Variants in SCG3 observed in about 807,000 individuals in gnomAD.
SCG3 encodes the protein secretogranin III.
SCG3 carries 38 observed loss-of-function variants against 56.2 expected under a neutral mutation model. The observed-to-expected ratio is 0.68, with a 90% CI of 0.52 to 0.89. The LOEUF (loss-of-function observed/expected upper bound fraction) is 0.89. Among genes scored for constraint, SCG3 ranks in the 40% least tolerant of loss-of-function variants. The probability of loss-of-function intolerance (pLI) is 0.00; values close to 1 mark genes in which losing one functional copy is unlikely to be tolerated. For synonymous variants in SCG3, 176 were observed against 184.2 expected (o/e 0.96, Z 0.36); for missense variants, 524 against 540.7 (o/e 0.97, Z 0.31).
At chr15:51,683,512 A>C in intron 4 of SCG3, 78 bp downstream of exon 4, 4 of 906,956 alleles carry the variant, frequency 4.4e-6, no homozygotes, top group Non-Finnish European at 6.7e-6. Context: ...TATTTTAAAA[A>C]TATCTTTTAA....
intron 11 of SCG3, among the ~76,000 whole-genome samples, chr15:51,716,615 G>C (rs1369420559): frequency 2.6e-5 from 4 of 152,120 alleles, no homozygotes; most frequent in African/African-American, 9.7e-5. Context: ...TGTGGAAAAA[G>C]CAACAATGTG....
chr15:51,688,358 G>A lies in SCG3; in HGVS notation c.496G>A (p.Ala166Thr). Residue 166 changes from alanine (A) to threonine (T), a missense_variant, in exon 5 of 12, where the codon GCC becomes ACC. Coordinates refer to ENST00000220478, the MANE Select transcript of SCG3 (RefSeq NM_013243.4). ...CAGGATTTATGAAGAAAATGACAGA[G>A]CCGTGTTTGACAAGATTGTTTCTAA... is the stretch of plus-strand genomic sequence containing the variant. The part of the protein sequence containing the change: ...AARIYEENDR[A>T]VFDKIVSKLL... 6.2e-7 allele frequency: 1 copy of A among 1,613,806 alleles called. No individual in the cohort carries two copies. Among genetic ancestry groups the A allele is most frequent in the Non-Finnish European group, 8.5e-7 (1 of 1,179,824 alleles).
intron 10 of SCG3, among the ~76,000 whole-genome samples, chr15:51,704,376 T>C (rs2055360291): frequency 6.7e-6 from 1 of 150,094 alleles, no homozygotes; most frequent in South Asian, 2.1e-4. Context: ...CCTAAGTACA[T>C]TCACATTGTT....
At chr15:51,686,606 A>G (rs975504449) in intron 4 of SCG3, among the ~76,000 whole-genome samples, 6 of 152,210 alleles carry the variant, frequency 3.9e-5, no homozygotes, top group African/African-American at 9.6e-5. Context: ...AATCAGACAC[A>G]TAATAGTGAG....
chr15:51,687,437 G>A (rs936331352), intron 4 of SCG3, among the ~76,000 whole-genome samples: 1 of 152,176 alleles, frequency 6.6e-6, no homozygotes, highest in African/African-American at 2.4e-5. Context: ...CCATGGATGT[G>A]CTACAATGCT....
rs1290738564 is a variant in SCG3 at position 51,701,614 on chromosome 15, T to C, written c.1207+370T>C. The stretch of plus-strand genomic sequence containing the variant: ...CTCTAAATAATCACATACTGCTTAT[T>C]CAACAAGATCATCAAAATTTATTAT... On this transcript the variant is annotated intron_variant, in intron 10 of 11. Coordinates refer to ENST00000220478, the MANE Select transcript of SCG3 (RefSeq NM_013243.4). Among the ~76,000 whole-genome samples the C allele has an allele frequency of 3.9e-5, 6 of 152,240 alleles. 1 individual carries two copies. The highest frequency in any genetic ancestry group is 3.9e-4 in the Admixed American group (6 of 15,282).
intron 10 of SCG3, among the ~76,000 whole-genome samples, chr15:51,703,664 T>G (rs1268551981): frequency 1.3e-5 from 2 of 152,198 alleles, no homozygotes; most frequent in African/African-American, 4.8e-5. Flanking sequence ...AGAAAAGACT[T>G]GTAGAATTAG....
intron 4 of SCG3, among the ~76,000 whole-genome samples, chr15:51,685,942 T>TA (rs1364751076): frequency 6.6e-6 from 1 of 152,210 alleles, no homozygotes; most frequent in African/African-American, 2.4e-5. Flanking sequence ...GGAGCATGCC[T>TA]AACCTTTACA....
chr15:51,719,264 C>T, intron 11 of SCG3, 144 bp from the exon 12 acceptor site: 1 of 636,226 alleles, frequency 1.6e-6, no homozygotes. Flanking sequence ...ACACAAATGC[C>T]AAGAATTAAA....
chr15:51,684,789 A>G (rs1232641879), intron 4 of SCG3, among the ~76,000 whole-genome samples: 1 of 152,244 alleles, frequency 6.6e-6, no homozygotes, highest in Non-Finnish European at 1.5e-5. Flanking sequence ...AACTAAACTG[A>G]AAACTTCATA....
chr15:51,688,188 TTATAAG>T, intron 4 of SCG3, 66 bp from the exon 5 acceptor site: 1 of 1,389,280 alleles, frequency 7.2e-7, no homozygotes, highest in East Asian at 2.3e-5. Context: ...GAAGTACAGA[TTATAAG>T]TATAATATGA....
intron 10 of SCG3, among the ~76,000 whole-genome samples, chr15:51,703,819 C>G (rs1267682851): frequency 6.6e-6 from 1 of 152,024 alleles, no homozygotes; most frequent in African/African-American, 2.4e-5. Context: ...TTGATTTTTC[C>G]TATCTTATAC....
chr15:51,681,525 G>A lies in SCG3; in HGVS notation c.-231G>A, dbSNP rs976698724. ...GTCACAGGAACTTCAGCACCCACAG[G>A]GCGGACAGCGCTCCCCTCTACCTGG... On this transcript the variant is annotated 5_prime_UTR_variant, in exon 1 of 12. Transcript: ENST00000220478. 7 of 555,070 alleles carry A rather than the reference G, an allele frequency of 1.3e-5. No homozygotes were observed. In the African/African-American group the frequency reaches 1.3e-4, roughly 11 times the overall value. 34.4% of individuals were successfully genotyped at this position (555,070 alleles called of 1,614,324 possible).
At chr15:51,692,475 C>A in intron 7 of SCG3, 139 bp downstream of exon 7, 1 of 706,586 alleles carries the variant, frequency 1.4e-6, no homozygotes, top group Non-Finnish European at 2.2e-6. Context: ...GAAAAGGGTT[C>A]ACATCGATTT....
intron 6 of SCG3, among the ~76,000 whole-genome samples, chr15:51,689,868 T>A (rs1456299): frequency 0.44 from 67,268 of 152,028 alleles, 16,987 homozygotes; most frequent in Non-Finnish European, 0.56. Flanking sequence ...TGATCTCTAC[T>A]CTGAAAATAA....
At chr15:51,694,545 G>C (rs1567218456) in intron 7 of SCG3, among the ~76,000 whole-genome samples, 1 of 151,970 alleles carries the variant, frequency 6.6e-6, no homozygotes, top group Non-Finnish European at 1.5e-5. Context: ...GGAGTATTTA[G>C]AGAAAATCTT....
chr15:51,709,697 ATATAT>A (rs2055403755), intron 10 of SCG3, among the ~76,000 whole-genome samples: 1 of 13,950 alleles, frequency 7.2e-5, no homozygotes, highest in African/African-American at 2.7e-4. Context: ...ATATATATAT[ATATAT>A]TTTTTTTTTT....
chr15:51,695,313 T>C (rs1022116341), intron 7 of SCG3, among the ~76,000 whole-genome samples: 2 of 152,196 alleles, frequency 1.3e-5, no homozygotes, highest in Admixed American at 1.3e-4. Flanking sequence ...GTTCTTGCCC[T>C]CAGAGACTTA....
Position 51,689,398 on chromosome 15 carries a change from GGGGTGTGT to G in SCG3, c.690+32_690+39del, listed in dbSNP as rs760171204. On this transcript the variant is annotated intron_variant, in intron 6 of 11. Transcript: ENST00000220478. ...GTATGTGTATATATGCATATGCATGGGGGTGTGTGTGTGTGTGTGTGTGTGTGTGTGTG... is the reference window on the plus strand; with the variant it reads ...GTATGTGTATATATGCATATGCATGGGTGTGTGTGTGTGTGTGTGTGTGTG... The G allele has an allele frequency of 3.7e-3, 3,328 of 900,882 alleles. 35 individuals carry two copies. Among genetic ancestry groups the G allele is most frequent in the East Asian group, 0.026 (846 of 33,020 alleles). 55.8% of individuals were successfully genotyped at this position (900,882 alleles called of 1,614,324 possible). A position where few individuals can be genotyped will look rare whatever the true frequency, so the allele number is the denominator to read the frequency against.
Sources: gnomAD v4.1 joint callset for allele counts (sites outside exome capture counted in the v4.1 genomes callset) on GRCh38, gnomAD v4.1.1 for gene constraint, MANE v1.5 for transcripts, NCBI Gene and HGNC (gene_info 2026-07-23, HGNC 2026-07-21) for gene names.